Variants in TOM1L2 observed in about 807,000 individuals in gnomAD.
The protein encoded by TOM1L2 is target of myb1 like 2 membrane trafficking protein.
In TOM1L2, 31 loss-of-function variants were observed where a neutral mutation model predicts 67.9. The ratio of observed to expected loss-of-function variants is 0.46; its 90% CI spans 0.34 to 0.62. The LOEUF (loss-of-function observed/expected upper bound fraction) is 0.62, where lower values mean the gene tolerates loss of function less well. Among genes scored for constraint, TOM1L2 ranks in the 20% least tolerant of loss-of-function variants. TOM1L2 has a pLI of 0.01. For synonymous variants in TOM1L2, 256 were observed against 254.0 expected, an observed-to-expected ratio of 1.01 and a Z score of -0.07; for missense variants, 606 against 663.5, an observed-to-expected ratio of 0.91 and a Z score of 0.95.
intron 1 of TOM1L2, among the ~76,000 whole-genome samples, chr17:17,909,350 G>A (rs2039240323): frequency 6.6e-6 from 1 of 152,104 alleles, no homozygotes; most frequent in African/African-American, 2.4e-5. Context: ...TAAACAGCCT[G>A]TGTCCATCAA....
chr17:17,865,149 A>G (rs1345073549), intron 10 of TOM1L2, among the ~76,000 whole-genome samples: 4 of 152,224 alleles, frequency 2.6e-5, no homozygotes, highest in African/African-American at 9.7e-5. Context: ...TGAACTGTGG[A>G]AAGTGGTGAG....
chr17:17,967,429 A>C (rs2041911623), intron 1 of TOM1L2, among the ~76,000 whole-genome samples: 1 of 152,264 alleles, frequency 6.6e-6, no homozygotes, highest in Non-Finnish European at 1.5e-5. Context: ...GACACAATGG[A>C]CCTGACTTGG....
intron 1 of TOM1L2, among the ~76,000 whole-genome samples, chr17:17,952,210 A>G (rs755486569): frequency 7.2e-5 from 11 of 152,104 alleles, no homozygotes; most frequent in South Asian, 4.1e-4. Flanking sequence ...TGACATGGCA[A>G]AACAAAAGCG....
chr17:17,898,357 GCA>G (rs1036846837), intron 3 of TOM1L2, among the ~76,000 whole-genome samples: 2 of 152,172 alleles, frequency 1.3e-5, no homozygotes, highest in African/African-American at 4.8e-5. Context: ...TGACAGCACT[GCA>G]CACACCTTAT....
At chr17:17,935,960 C>T (rs1220893371) in intron 1 of TOM1L2, among the ~76,000 whole-genome samples, 1 of 152,232 alleles carries the variant, frequency 6.6e-6, no homozygotes, top group African/African-American at 2.4e-5. Context: ...TCCTATCCTA[C>T]CCAGTCCATC....
At chr17:17,941,366 T>C (rs1395228551) in intron 1 of TOM1L2, among the ~76,000 whole-genome samples, 1 of 152,210 alleles carries the variant, frequency 6.6e-6, no homozygotes, top group Non-Finnish European at 1.5e-5. Context: ...CTCGGATGAC[T>C]ATGGACGACT....
At chr17:17,934,264 G>C (rs1268102529) in intron 1 of TOM1L2, among the ~76,000 whole-genome samples, 1 of 152,172 alleles carries the variant, frequency 6.6e-6, no homozygotes, top group Non-Finnish European at 1.5e-5. Flanking sequence ...GGGCAACATA[G>C]TGAGACTTTG....
intron 7 of TOM1L2, among the ~76,000 whole-genome samples, chr17:17,877,365 T>C (rs777593836): frequency 6.6e-6 from 1 of 152,216 alleles, no homozygotes; most frequent in Non-Finnish European, 1.5e-5. Context: ...GTTGTTTCCA[T>C]GGCCTAGCCA....
chr17:17,905,538 T>C (rs1197583139), intron 2 of TOM1L2, among the ~76,000 whole-genome samples: 2 of 152,202 alleles, frequency 1.3e-5, no homozygotes, highest in Non-Finnish European at 2.9e-5. Flanking sequence ...TGGGTTTTCT[T>C]TCTTCTTTTT....
At chr17:17,945,294 T>A (rs562852672) in intron 1 of TOM1L2, among the ~76,000 whole-genome samples, 31 of 150,530 alleles carry the variant, frequency 2.1e-4, no homozygotes, top group African/African-American at 5.6e-4. Context: ...ACACACACTC[T>A]CTCTCTCTCT....
chr17:17,888,885 AAGCCAAAACACC>A (rs2038126566), intron 4 of TOM1L2, among the ~76,000 whole-genome samples: 2 of 152,226 alleles, frequency 1.3e-5, no homozygotes, highest in South Asian at 4.1e-4. Context: ...AAAGGGACAC[AAGCCAAAACACC>A]AGCCAAGGCA....
intron 4 of TOM1L2, among the ~76,000 whole-genome samples, chr17:17,891,784 C>CGTGTGTGT (rs374192888): frequency 0.015 from 2,115 of 143,190 alleles, 22 homozygotes; most frequent in African/African-American, 0.032. Context: ...TGCATGCACA[C>CGTGTGTGT]GTGTGTGTGT....
chr17:17,853,228 A>C (rs916980204), intron 12 of TOM1L2, among the ~76,000 whole-genome samples: 1 of 152,346 alleles, frequency 6.6e-6, no homozygotes, highest in Admixed American at 6.5e-5. Flanking sequence ...AGTCAGCAGC[A>C]TCTCCAGAGA....
intron 1 of TOM1L2, among the ~76,000 whole-genome samples, chr17:17,938,280 G>T (rs1208741699): frequency 6.6e-6 from 1 of 152,188 alleles, no homozygotes; most frequent in East Asian, 1.9e-4. Flanking sequence ...GTCTGGGCGG[G>T]TAGCCACCTG....
intron 5 of TOM1L2, among the ~76,000 whole-genome samples, chr17:17,884,191 T>C (rs2037874742): frequency 6.6e-6 from 1 of 152,146 alleles, no homozygotes; most frequent in African/African-American, 2.4e-5. Flanking sequence ...TACTCACAGC[T>C]CAAAATAAAT....
intron 8 of TOM1L2, 111 bp downstream of exon 8, chr17:17,869,229 C>T: frequency 6.5e-7 from 1 of 1,545,162 alleles, no homozygotes; most frequent in Non-Finnish European, 8.7e-7. Flanking sequence ...TATTTTCCAA[C>T]TCTAATCTCT....
intron 1 of TOM1L2, among the ~76,000 whole-genome samples, chr17:17,955,875 C>T (rs2041417612): frequency 6.6e-6 from 1 of 152,186 alleles, no homozygotes; most frequent in Admixed American, 6.5e-5. Flanking sequence ...AAGAGTGAAG[C>T]TGCAGACCTT....
chr17:17,893,738 T>C lies in TOM1L2; in HGVS notation c.289A>G (p.Ser97Gly). ...GGAGATATAATTTTGACCAGAACACTGTCGATGAAATCTCGGTTGGCCACA... is the reference window on the plus strand; with the variant it reads ...GGAGATATAATTTTGACCAGAACACCGTCGATGAAATCTCGGTTGGCCACA... ...ILVANRDFIDSVLVKIISPKN... is the reference protein window; with the variant it reads ...ILVANRDFIDGVLVKIISPKN... The change falls in exon 4 of 15, where the codon AGT becomes GGT. Residue 97 changes from serine to glycine, a missense_variant. Physicochemically the swap from Ser to Gly is moderately conservative, Grantham distance 56. This residue lies in a region of TOM1L2 where 543 missense variants were observed against 554.0 expected (regional missense o/e 0.98). Coordinates refer to ENST00000379504, the MANE Select transcript of TOM1L2 (RefSeq NM_001082968.2). 2 of 1,614,164 alleles carry C rather than the reference T, an allele frequency of 1.2e-6. No individual in the cohort carries two copies. The highest frequency in any genetic ancestry group is 1.7e-6 in the Non-Finnish European group (2 of 1,180,006).
intron 4 of TOM1L2, among the ~76,000 whole-genome samples, chr17:17,891,841 G>T (rs1234281768): frequency 4.0e-5 from 6 of 151,770 alleles, no homozygotes; most frequent in Admixed American, 2.0e-4. Flanking sequence ...CAGAGAGACA[G>T]AAGGATATTG....
Sources: allele counts gnomAD v4.1 joint callset (sites outside exome capture counted in the v4.1 genomes callset), GRCh38; gene constraint gnomAD v4.1.1; regional missense constraint gnomAD v4.1.1; transcripts MANE v1.5; gene names NCBI Gene and HGNC (gene_info 2026-07-23, HGNC 2026-07-21).